DCC: variants seen among roughly 807,000 people sequenced by gnomAD.
DCC encodes netrin receptor DCC.
In DCC, 58 loss-of-function variants were observed where a neutral mutation model predicts 172.5. The observed-to-expected ratio is 0.34, with a 90% confidence interval of 0.27 to 0.42. The LOEUF (loss-of-function observed/expected upper bound fraction) is 0.42. DCC is among the 10% of genes least tolerant of loss of function. DCC has a pLI of 1.00. For missense variants in DCC, 1,740 were observed against 1,791.0 expected, an observed-to-expected ratio of 0.97 and a Z score of 0.51; for synonymous variants, 709 against 644.5, an observed-to-expected ratio of 1.10 and a Z score of -1.52.
At chr18:52,829,722 A>G (rs958777439) in intron 2 of DCC, among the ~76,000 whole-genome samples, 4 of 151,970 alleles carry the variant, frequency 2.6e-5, no homozygotes, top group African/African-American at 9.7e-5. Context: ...TACTGAGTGT[A>G]TACTTTTTGC....
chr18:53,226,934 G>GTGTGTATATA (rs34949557), intron 12 of DCC, among the ~76,000 whole-genome samples: 2 of 68,138 alleles, frequency 2.9e-5, no homozygotes, highest in African/African-American at 1.2e-4. Flanking sequence ...GTGTGTGTGT[G>GTGTGTATATA]TATATATATA....
chr18:52,347,012 C>T (rs1983907948), intron 1 of DCC, among the ~76,000 whole-genome samples: 2 of 152,156 alleles, frequency 1.3e-5, no homozygotes, highest in South Asian at 2.1e-4. Context: ...GAGATTTCTT[C>T]CTGGTTCATC....
intron 1 of DCC, among the ~76,000 whole-genome samples, chr18:52,564,265 A>T (rs1231898403): frequency 6.6e-6 from 1 of 152,074 alleles, no homozygotes; most frequent in Non-Finnish European, 1.5e-5. Context: ...ACATGTGCAT[A>T]TTATTTGCTT....
chr18:53,314,002 A>C (rs2057315180), intron 13 of DCC, among the ~76,000 whole-genome samples: 1 of 152,228 alleles, frequency 6.6e-6, no homozygotes, highest in African/African-American at 2.4e-5. Context: ...TTATCACTAC[A>C]TCTATGAAAC....
chr18:52,960,958 C>T (rs865878543), intron 5 of DCC, among the ~76,000 whole-genome samples: 90 of 152,200 alleles, frequency 5.9e-4, no homozygotes, highest in African/African-American at 2.1e-3. Flanking sequence ...TTTAGAGAGC[C>T]GTACAATTTC....
intron 7 of DCC, among the ~76,000 whole-genome samples, chr18:53,100,094 G>T (rs1251152646): frequency 6.6e-6 from 1 of 151,612 alleles, no homozygotes; most frequent in African/African-American, 2.4e-5. Flanking sequence ...TTATAGGCAG[G>T]CACCACCACG....
intron 5 of DCC, among the ~76,000 whole-genome samples, chr18:52,995,924 G>A (rs1436478622): frequency 6.6e-6 from 1 of 151,006 alleles, no homozygotes; most frequent in Admixed American, 6.6e-5. Flanking sequence ...TCCCAGTGAA[G>A]TTGCATTCAG....
intron 7 of DCC, among the ~76,000 whole-genome samples, chr18:53,124,409 A>G (rs1018919829): frequency 1.3e-5 from 2 of 152,064 alleles, no homozygotes; most frequent in Non-Finnish European, 2.9e-5. Context: ...ATAGTCAGCA[A>G]TTTCAGTTTT....
chr18:52,354,827 T>C (rs1385061445), intron 1 of DCC, among the ~76,000 whole-genome samples: 1 of 152,234 alleles, frequency 6.6e-6, no homozygotes, highest in African/African-American at 2.4e-5. Flanking sequence ...TATTCTGTTT[T>C]CTTTTTCTCT....
chr18:53,048,882 A>T (rs2042296020), intron 5 of DCC, among the ~76,000 whole-genome samples: 1 of 151,770 alleles, frequency 6.6e-6, no homozygotes, highest in African/African-American at 2.4e-5. Flanking sequence ...CATTCTGATT[A>T]GTGTGAGATG....
At chr18:52,403,280 T>C (rs1174951305) in intron 1 of DCC, among the ~76,000 whole-genome samples, 6 of 152,002 alleles carry the variant, frequency 3.9e-5, no homozygotes, top group Non-Finnish European at 8.8e-5. Context: ...AGATTTGTCT[T>C]TGTTGTTGTC....
intron 27 of DCC, among the ~76,000 whole-genome samples, chr18:53,526,007 C>A (rs766424635): frequency 2.6e-5 from 4 of 152,112 alleles, no homozygotes; most frequent in African/African-American, 4.8e-5. Context: ...CTATTTGATA[C>A]TCAGCAGTGC....
chr18:52,914,351 T>A (rs1259665112), intron 3 of DCC, among the ~76,000 whole-genome samples: 2 of 152,064 alleles, frequency 1.3e-5, no homozygotes, highest in Non-Finnish European at 2.9e-5. Context: ...TCCGCCAGAC[T>A]CTAACTAGAA....
At chr18:52,880,694 A>T (rs754622147) in intron 2 of DCC, among the ~76,000 whole-genome samples, 37 of 152,146 alleles carry the variant, frequency 2.4e-4, no homozygotes, top group Non-Finnish European at 5.1e-4. Flanking sequence ...ATTAACTCTC[A>T]TTCTTTTTTA....
intron 1 of DCC, among the ~76,000 whole-genome samples, chr18:52,583,846 C>A (rs1368990432): frequency 9.2e-5 from 14 of 152,202 alleles, no homozygotes; most frequent in Non-Finnish European, 2.1e-4. Flanking sequence ...ATATAACTCA[C>A]TTTATATAGC....
Position 53,163,648 on chromosome 18 carries a change from C to A in DCC, c.1418+6136C>A, listed in dbSNP as rs900839143. On this transcript the variant is annotated intron_variant, in intron 8 of 28. Coordinates refer to ENST00000442544, the MANE Select transcript of DCC (RefSeq NM_005215.4). Reference sequence around the variant, plus strand: ...CCATAATTCAAATCTTTTTATCCAACCCCTTGGGGTGCTTTTATTTCATAA... The same window carrying A: ...CCATAATTCAAATCTTTTTATCCAAACCCTTGGGGTGCTTTTATTTCATAA... 6.6e-5 allele frequency among the ~76,000 whole-genome samples: 10 copies of A among 152,202 alleles called. No homozygotes were observed. The South Asian group carries it at 8.3e-4, about 13-fold the overall frequency.
chr18:52,715,639 G>A (rs577153223), intron 1 of DCC, among the ~76,000 whole-genome samples: 4 of 152,134 alleles, frequency 2.6e-5, no homozygotes, highest in Admixed American at 2.6e-4. Flanking sequence ...ACTTCCGAGG[G>A]CTGCTGGGAA....
intron 27 of DCC, among the ~76,000 whole-genome samples, chr18:53,503,223 TAGTAAGC>T (rs1215326135): frequency 6.6e-6 from 1 of 152,224 alleles, no homozygotes; most frequent in African/African-American, 2.4e-5. Flanking sequence ...AATATTTTTA[TAGTAAGC>T]AGTAATTAGA....
chr18:52,948,205 G>A (rs1284156008), intron 5 of DCC, among the ~76,000 whole-genome samples: 1 of 152,024 alleles, frequency 6.6e-6, no homozygotes, highest in Non-Finnish European at 1.5e-5. Flanking sequence ...GTGTACAATA[G>A]CTTCATAGGG....
Sources: gnomAD v4.1 joint callset for allele counts (sites outside exome capture counted in the v4.1 genomes callset) on GRCh38, gnomAD v4.1.1 for gene constraint, MANE v1.5 for transcripts, NCBI Gene and HGNC (gene_info 2026-07-23, HGNC 2026-07-21) for gene names.